ZNF292: variants seen among roughly 807,000 people sequenced by gnomAD.
The protein encoded by ZNF292 is zinc finger protein 292.
ZNF292 carries 26 observed loss-of-function variants against 217.9 expected under a neutral mutation model. The ratio of observed to expected loss-of-function variants is 0.12; its 90% confidence interval spans 0.09 to 0.17. ZNF292 has a LOEUF of 0.17. ZNF292 is among the 10% of genes least tolerant of loss of function. The pLI is 1.00. For missense variants in ZNF292, 2,904 were observed against 3,175.2 expected, an observed-to-expected ratio of 0.91 and a Z score of 2.05; for synonymous variants, 1,257 against 1,124.1, an observed-to-expected ratio of 1.12 and a Z score of -2.37.
chr6:87,240,140 A>C (rs1395583463), intron 5 of ZNF292, among the ~76,000 whole-genome samples: 1 of 152,208 alleles, frequency 6.6e-6, no homozygotes, highest in Non-Finnish European at 1.5e-5. Flanking sequence ...ACTCGCGGTT[A>C]GGAGCTGGAG....
At chr6:87,198,496 G>T (rs562299581) in intron 1 of ZNF292, among the ~76,000 whole-genome samples, 11 of 152,128 alleles carry the variant, frequency 7.2e-5, no homozygotes, top group African/African-American at 2.7e-4. Flanking sequence ...GAGGAGCCAC[G>T]CCCGGCCCAT....
intron 1 of ZNF292, among the ~76,000 whole-genome samples, chr6:87,179,940 T>C (rs1771420956): frequency 6.6e-6 from 1 of 152,238 alleles, no homozygotes; most frequent in South Asian, 2.1e-4. Flanking sequence ...TGCCATGTTT[T>C]ATTCTTTATG....
chr6:87,164,261 G>C (rs889875239), intron 1 of ZNF292, among the ~76,000 whole-genome samples: 6 of 152,122 alleles, frequency 3.9e-5, no homozygotes, highest in African/African-American at 1.4e-4. Flanking sequence ...CTTCACTTGG[G>C]CTGGCTCATT....
chr6:87,218,487 A>G (rs1772899548), intron 3 of ZNF292, 109 bp from the exon 4 acceptor site: 2 of 867,018 alleles, frequency 2.3e-6, no homozygotes, highest in South Asian at 2.8e-5. Flanking sequence ...GTGATGTGAA[A>G]TTTTTAAGAT....
chr6:87,240,939 T>C (rs920232356), intron 5 of ZNF292, among the ~76,000 whole-genome samples: 1 of 152,204 alleles, frequency 6.6e-6, no homozygotes, highest in African/African-American at 2.4e-5. Flanking sequence ...TGCCACTAAG[T>C]GCATAACTTT....
At position 87,159,722 on chromosome 6, in the gene ZNF292, G is replaced by A. The variant is rs140253206; in HGVS notation, c.168+3963G>A. On this transcript the variant is annotated intron_variant, in intron 1 of 7. Coordinates refer to ENST00000369577, the MANE Select transcript of ZNF292 (RefSeq NM_015021.3). ...TCTCCTTGTTGGTCAGGCTGGTTCC[G>A]CCCCTCTTGGCCTCCCAAAGTGCTG... Among the ~76,000 whole-genome samples, 1,038 of 151,666 alleles carry A rather than the reference G, an allele frequency of 6.8e-3. 7 individuals carry two copies. The highest frequency in any genetic ancestry group is 0.011 in the Non-Finnish European group (732 of 67,894).
chr6:87,226,586 G>T (rs1773353551), intron 4 of ZNF292, among the ~76,000 whole-genome samples: 1 of 148,432 alleles, frequency 6.7e-6, no homozygotes, highest in Non-Finnish European at 1.5e-5. Context: ...GCACTCTTTG[G>T]TTTCTTAAAG....
intron 1 of ZNF292, chr6:87,173,240 C>T (rs1422161546): frequency 6.6e-6 from 1 of 151,966 alleles, no homozygotes; most frequent in Non-Finnish European, 1.5e-5. Context: ...TCAAGTGTTC[C>T]CTGTTTTGTA....
At chr6:87,167,621 A>G (rs1770958728) in intron 1 of ZNF292, among the ~76,000 whole-genome samples, 2 of 152,248 alleles carry the variant, frequency 1.3e-5, no homozygotes, top group African/African-American at 4.8e-5. Flanking sequence ...TGCCTGGTCA[A>G]CAAGAATGAA....
intron 1 of ZNF292, among the ~76,000 whole-genome samples, chr6:87,196,238 A>G (rs1244478888): frequency 6.6e-6 from 1 of 152,150 alleles, no homozygotes; most frequent in African/African-American, 2.4e-5. Flanking sequence ...TTGCATTTCC[A>G]AAGTCATGAA....
At chr6:87,167,106 A>G (rs951566079) in intron 1 of ZNF292, among the ~76,000 whole-genome samples, 3 of 152,234 alleles carry the variant, frequency 2.0e-5, no homozygotes, top group Non-Finnish European at 4.4e-5. Flanking sequence ...CTATTTTAAT[A>G]GTAAAAATAC....
At chr6:87,183,063 A>G (rs1771518204) in intron 1 of ZNF292, among the ~76,000 whole-genome samples, 1 of 152,180 alleles carries the variant, frequency 6.6e-6, no homozygotes, top group African/African-American at 2.4e-5. Context: ...TTTTAAACTT[A>G]GATTATAAAT....
intron 1 of ZNF292, among the ~76,000 whole-genome samples, chr6:87,167,639 G>A (rs938774502): frequency 4.6e-5 from 7 of 152,070 alleles, no homozygotes; most frequent in South Asian, 4.1e-4. Flanking sequence ...GAAACGAAAC[G>A]CTGTCTTAAA....
At chr6:87,185,571 C>T (rs762954301) in intron 1 of ZNF292, among the ~76,000 whole-genome samples, 1 of 152,150 alleles carries the variant, frequency 6.6e-6, no homozygotes, top group Admixed American at 6.5e-5. Context: ...CTCTGCCTCC[C>T]GGGCTCAAGT....
At position 87,255,046 on chromosome 6, in the gene ZNF292, C is replaced by T. The variant is rs1368872167; in HGVS notation, c.1417C>T (p.Leu473=). 6.2e-7 allele frequency: 1 copy of T among 1,613,644 alleles called. No individual in the cohort carries two copies. Among genetic ancestry groups the T allele is most frequent in the African/African-American group, 1.3e-5 (1 of 75,020 alleles). Residue 473 remains leucine (L), a synonymous_variant, in exon 8 of 8, where the codon CTA becomes TTA. Transcript: ENST00000369577. ...EASIVSSIDE[L]NDSEVYEKVV... is the part of the protein sequence containing the mutation. The stretch of plus-strand genomic sequence containing the variant: ...ATCCATTGTGTCTTCAATAGATGAA[C>T]TAAATGACAGTGAAGTATATGAAAA...
Position 87,256,333 on chromosome 6 carries a change from C to G in ZNF292, c.2704C>G (p.Gln902Glu). 6.2e-7 allele frequency: 1 copy of G among 1,612,746 alleles called. No individual in the cohort carries two copies. The highest frequency in any genetic ancestry group is 8.5e-7 in the Non-Finnish European group (1 of 1,179,826). The change falls in exon 8 of 8, where the codon CAA becomes GAA. Residue 902 changes from glutamine to glutamate, a missense_variant. This residue lies in a region of ZNF292 where 687 missense variants were observed against 623.0 expected (regional missense o/e 1.10). Coordinates refer to ENST00000369577, the MANE Select transcript of ZNF292 (RefSeq NM_015021.3). ...CAAAGCAGAATCAGCTGTGACCAAA[C>G]AAGACCAGATTTCTGCCTCTGAGCT... ...KSKAESAVTK[Q>E]DQISASELRQ...
Position 87,265,838 on chromosome 6 carries a change from A to G in ZNF292, c.*4037A>G, listed in dbSNP as rs552544428. ...CCCAATGGGTTGATTCCTTTGCTGT[A>G]TTGGTTGTTAATGTTTTGAATATTA... is the stretch of plus-strand genomic sequence containing the variant. On this transcript the variant is annotated 3_prime_UTR_variant, in exon 8 of 8. Coordinates refer to ENST00000369577, the MANE Select transcript of ZNF292 (RefSeq NM_015021.3). 6.6e-6 allele frequency among the ~76,000 whole-genome samples: 1 copy of G among 152,304 alleles called. No individual in the cohort carries two copies. Among genetic ancestry groups the G allele is most frequent in the South Asian group, 2.1e-4 (1 of 4,830 alleles).
chr6:87,197,482 C>A (rs1481548518), intron 1 of ZNF292, among the ~76,000 whole-genome samples: 1 of 149,784 alleles, frequency 6.7e-6, no homozygotes, highest in African/African-American at 2.5e-5. Flanking sequence ...CACCTGTAAT[C>A]CCAGCACTTT....
intron 4 of ZNF292, chr6:87,222,731 T>G (rs190495744): frequency 2.3e-6 from 1 of 436,576 alleles, no homozygotes; most frequent in Admixed American, 2.4e-5. Context: ...TTTATTCACA[T>G]TTCCTTAGTT....
Sources: allele counts gnomAD v4.1 joint callset (sites outside exome capture counted in the v4.1 genomes callset), GRCh38; gene constraint gnomAD v4.1.1; regional missense constraint gnomAD v4.1.1; transcripts MANE v1.5; gene names NCBI Gene and HGNC (gene_info 2026-07-23, HGNC 2026-07-21).